The following ALCAM variants were observed in gnomAD, a reference collection of about 807,000 sequenced individuals.
The protein encoded by ALCAM is CD166 antigen.
ALCAM carries 30 observed loss-of-function variants against 70.9 expected under a neutral mutation model. The observed-to-expected ratio is 0.42, with a 90% confidence interval of 0.32 to 0.57. ALCAM has a LOEUF of 0.57. Ranked by LOEUF, ALCAM falls within the 20% of genes least tolerant of loss-of-function variation. The pLI is 0.11. For missense variants in ALCAM, 591 were observed against 695.1 expected (o/e 0.85, Z 1.68); for synonymous variants, 249 against 242.5 (o/e 1.03, Z -0.25).
At position 105,552,164 on chromosome 3, in the gene ALCAM, G is replaced by A; in HGVS notation, c.1528G>A (p.Glu510Lys). The A allele has an allele frequency of 6.2e-7, 1 of 1,601,502 alleles. No individual in the cohort carries two copies. The highest frequency in any genetic ancestry group is 1.1e-5 in the South Asian group (1 of 88,682). Residue 510 changes from glutamate (E) to lysine (K), a missense_variant, in exon 13 of 16, where the codon GAG becomes AAG. Transcript: ENST00000306107. ...TTCAGTAAGTATTCCAGAACACGAT[G>A]AGGCAGACGAGATAAGTGGTAGGTA... Reference protein sequence around the residue: ...VSAISIPEHDEADEISDENRE... With the variant: ...VSAISIPEHDKADEISDENRE...
intron 1 of ALCAM, among the ~76,000 whole-genome samples, chr3:105,489,406 C>T (rs1052784079): frequency 6.6e-6 from 1 of 152,112 alleles, no homozygotes; most frequent in Non-Finnish European, 1.5e-5. Context: ...CATAATTGTT[C>T]AGTCAAAAGT....
In ALCAM at chr3:105,534,632, C is replaced by T. The variant is rs1337927482; in HGVS notation, c.548-31C>T. 8.8e-6 allele frequency: 14 copies of T among 1,589,764 alleles called. No homozygotes were observed. The Admixed American group carries it at 2.3e-4, about 27-fold the overall frequency. Reference sequence around the variant, plus strand: ...AGGATTGTGATTGTCAGATGAAAGACCCTATCATCAGTGTTCTTTATTTTC... The same window carrying T: ...AGGATTGTGATTGTCAGATGAAAGATCCTATCATCAGTGTTCTTTATTTTC... On this transcript the variant is annotated intron_variant, in intron 5 of 15. Transcript: ENST00000306107.
At chr3:105,503,809 T>C (rs1938990475) in intron 1 of ALCAM, among the ~76,000 whole-genome samples, 1 of 152,166 alleles carries the variant, frequency 6.6e-6, no homozygotes, top group Non-Finnish European at 1.5e-5. Flanking sequence ...CTGAACATGA[T>C]TATACCCTTG....
intron 1 of ALCAM, among the ~76,000 whole-genome samples, chr3:105,443,559 T>C (rs574745892): frequency 1.3e-5 from 2 of 152,346 alleles, no homozygotes; most frequent in African/African-American, 4.8e-5. Context: ...GGAGTTTTTC[T>C]AAAATAATGG....
chr3:105,383,896 G>T (rs886284915), intron 1 of ALCAM, among the ~76,000 whole-genome samples: 1 of 151,656 alleles, frequency 6.6e-6, no homozygotes, highest in African/African-American at 2.4e-5. Flanking sequence ...GGTAATATTA[G>T]TTCTTCTATT....
intron 1 of ALCAM, among the ~76,000 whole-genome samples, chr3:105,390,040 T>C (rs1226156144): frequency 6.6e-6 from 1 of 151,988 alleles, no homozygotes; most frequent in Non-Finnish European, 1.5e-5. Context: ...AGTGCTGCAA[T>C]GATCATACCT....
chr3:105,533,983 G>T (rs1421381876), intron 5 of ALCAM, among the ~76,000 whole-genome samples: 3 of 152,012 alleles, frequency 2.0e-5, no homozygotes, highest in Non-Finnish European at 4.4e-5. Context: ...TGTTTTTCTG[G>T]AACTAGACAG....
chr3:105,493,730 A>G (rs887801479), intron 1 of ALCAM, among the ~76,000 whole-genome samples: 1 of 152,200 alleles, frequency 6.6e-6, no homozygotes, highest in Admixed American at 6.5e-5. Flanking sequence ...AGTGAGCCCT[A>G]TGTCAGACTT....
chr3:105,410,069 G>A (rs7615005), intron 1 of ALCAM, among the ~76,000 whole-genome samples: 104,571 of 151,902 alleles, frequency 0.69, 36,311 homozygotes, highest in East Asian at 0.93. Flanking sequence ...GGGAAAATGT[G>A]TCATGACATT....
intron 1 of ALCAM, among the ~76,000 whole-genome samples, chr3:105,489,281 G>C (rs1326981473): frequency 6.6e-6 from 1 of 152,104 alleles, no homozygotes; most frequent in African/African-American, 2.4e-5. Flanking sequence ...GCGGTGCCGA[G>C]ATTTTTATTT....
intron 1 of ALCAM, among the ~76,000 whole-genome samples, chr3:105,485,081 C>T (rs1275607330): frequency 1.3e-5 from 2 of 152,010 alleles, no homozygotes; most frequent in South Asian, 2.1e-4. Context: ...TATCAAATCT[C>T]GAATTATGAA....
chr3:105,501,308 T>G (rs1938913671), intron 1 of ALCAM, among the ~76,000 whole-genome samples: 1 of 152,178 alleles, frequency 6.6e-6, no homozygotes, highest in Non-Finnish European at 1.5e-5. Flanking sequence ...GTTGAAACAG[T>G]TCAGTAATTC....
chr3:105,563,982 C>T (rs1167464165), intron 14 of ALCAM, among the ~76,000 whole-genome samples: 4 of 151,972 alleles, frequency 2.6e-5, no homozygotes, highest in Admixed American at 2.0e-4. Context: ...CCACCGCGCC[C>T]GGCCCATTTC....
chr3:105,566,819 C>A (rs901820012), intron 14 of ALCAM, among the ~76,000 whole-genome samples: 4 of 151,996 alleles, frequency 2.6e-5, no homozygotes, highest in Non-Finnish European at 5.9e-5. Context: ...TGTTAGTTGT[C>A]TTTTAAAATA....
chr3:105,466,936 A>C (rs1015270236), intron 1 of ALCAM, among the ~76,000 whole-genome samples: 1 of 151,430 alleles, frequency 6.6e-6, no homozygotes, highest in African/African-American at 2.4e-5. Flanking sequence ...TAAGGCTGTC[A>C]GAAACTGATT....
At chr3:105,516,161 C>T (rs1465500806) in intron 1 of ALCAM, among the ~76,000 whole-genome samples, 1 of 151,752 alleles carries the variant, frequency 6.6e-6, no homozygotes, top group African/African-American at 2.4e-5. Flanking sequence ...TGTTCTTCTG[C>T]TTGAAATGTG....
intron 1 of ALCAM, among the ~76,000 whole-genome samples, chr3:105,437,131 C>T (rs1332989321): frequency 1.3e-5 from 2 of 152,134 alleles, no homozygotes; most frequent in Admixed American, 6.5e-5. Context: ...TGGTGTAAAA[C>T]ACTTCATCAT....
intron 1 of ALCAM, among the ~76,000 whole-genome samples, chr3:105,384,845 A>T (rs1238386889): frequency 1.3e-5 from 2 of 151,536 alleles, no homozygotes; most frequent in African/African-American, 4.8e-5. Flanking sequence ...TAGGACTTTG[A>T]ATGCAGTATA....
At chr3:105,463,113 A>G (rs914097430) in intron 1 of ALCAM, among the ~76,000 whole-genome samples, 9 of 151,498 alleles carry the variant, frequency 5.9e-5, no homozygotes, top group African/African-American at 2.2e-4. Context: ...ACCTTCCACA[A>G]ATCCATACTG....
Sources: gnomAD v4.1 joint callset for allele counts (sites outside exome capture counted in the v4.1 genomes callset) on GRCh38, gnomAD v4.1.1 for gene constraint, MANE v1.5 for transcripts, NCBI Gene and HGNC (gene_info 2026-07-23, HGNC 2026-07-21) for gene names.